Variants in NBAS observed in about 807,000 individuals in gnomAD.
The protein encoded by NBAS is NAG/BC035112 fusion.
Under a neutral mutation model 302.5 loss-of-function variants are expected in NBAS, and 219 were observed. The ratio of observed to expected loss-of-function variants is 0.72; its 90% CI spans 0.65 to 0.81. NBAS has a LOEUF of 0.81. NBAS is among the 30% of genes least tolerant of loss of function. The pLI is 0.00. For missense variants in NBAS, 2,932 were observed against 2,841.6 expected (o/e 1.03, Z -0.72); for synonymous variants, 1,118 against 1,021.6 (o/e 1.09, Z -1.80).
chr2:15,142,858 C>T, the NBAS span, among the ~76,000 whole-genome samples: 24 of 152,182 alleles, frequency 1.6e-4, no homozygotes, highest in African/African-American at 5.8e-4. Flanking sequence ...CAGATGAGGG[C>T]AAGGAAGATG....
At chr2:15,432,440 C>G (rs1677812011) in intron 21 of NBAS, among the ~76,000 whole-genome samples, 2 of 151,970 alleles carry the variant, frequency 1.3e-5, no homozygotes, top group African/African-American at 2.4e-5. Context: ...ATTTATCTGC[C>G]AGCAGGAAAG....
chr2:15,465,549 T>A (rs1196559210), intron 19 of NBAS, among the ~76,000 whole-genome samples: 1 of 152,248 alleles, frequency 6.6e-6, no homozygotes, highest in Admixed American at 6.5e-5. Context: ...TTATCTCATT[T>A]ATCACAGTAT....
At chr2:15,336,394 T>G (rs1472109727) in intron 35 of NBAS, among the ~76,000 whole-genome samples, 1 of 152,178 alleles carries the variant, frequency 6.6e-6, no homozygotes, top group Non-Finnish European at 1.5e-5. Flanking sequence ...GTGTAAGAAG[T>G]CTGCTTTTAC....
chr2:15,194,884 A>T (rs1665543803), intron 48 of NBAS, among the ~76,000 whole-genome samples: 1 of 152,212 alleles, frequency 6.6e-6, no homozygotes, highest in Non-Finnish European at 1.5e-5. Flanking sequence ...AAAAAGAAAT[A>T]ACAGAGACAT....
chr2:15,506,329 C>T lies in NBAS; in HGVS notation c.886-2116G>A, dbSNP rs144689291. ...GCATACCCAGAAAATTTAAACTCAG[C>T]ATGATCAACTCCAATATCCTAGGAA... is the stretch of plus-strand genomic sequence containing the variant. On this transcript the variant is annotated intron_variant, in intron 10 of 51. Transcript: ENST00000281513. 3.5e-3 allele frequency among the ~76,000 whole-genome samples: 528 copies of T among 152,170 alleles called. 2 individuals carry two copies. The highest frequency in any genetic ancestry group is 0.012 in the African/African-American group (498 of 41,534).
chr2:14,914,276 C>A, the NBAS span, among the ~76,000 whole-genome samples: 3 of 152,154 alleles, frequency 2.0e-5, no homozygotes, highest in Non-Finnish European at 4.4e-5. Flanking sequence ...CCACACCCAA[C>A]ACTAGACAGA....
chr2:15,200,462 CAAGA>C (rs1558431407), intron 48 of NBAS, among the ~76,000 whole-genome samples: 1 of 152,012 alleles, frequency 6.6e-6, no homozygotes, highest in Non-Finnish European at 1.5e-5. Flanking sequence ...GCCCAGTGAA[CAAGA>C]AAGTAACATA....
At chr2:15,443,474 A>G (rs1678550822) in intron 21 of NBAS, among the ~76,000 whole-genome samples, 1 of 152,024 alleles carries the variant, frequency 6.6e-6, no homozygotes, top group Admixed American at 6.5e-5. Flanking sequence ...AAAAACTCTC[A>G]ATAAATTAGG....
At chr2:15,317,791 C>T (rs986162685) in intron 38 of NBAS, among the ~76,000 whole-genome samples, 9 of 152,106 alleles carry the variant, frequency 5.9e-5, no homozygotes, top group African/African-American at 9.7e-5. Flanking sequence ...CTGAAAGTGA[C>T]GGGGAGAATG....
intron 25 of NBAS, 44 bp from the exon 26 acceptor site, chr2:15,402,345 T>G: frequency 6.3e-7 from 1 of 1,599,702 alleles, no homozygotes; most frequent in Non-Finnish European, 8.6e-7. Context: ...AACAGATTTA[T>G]AGTCAATTTT....
chr2:14,832,030 C>T, the NBAS span, among the ~76,000 whole-genome samples: 357 of 152,246 alleles, frequency 2.3e-3, 2 homozygotes, highest in African/African-American at 8.0e-3. Context: ...TGCTAGTGAT[C>T]GAGTAGTCTG....
At chr2:15,524,921 T>G (rs1391556627) in intron 9 of NBAS, among the ~76,000 whole-genome samples, 1 of 152,160 alleles carries the variant, frequency 6.6e-6, no homozygotes, top group Non-Finnish European at 1.5e-5. Context: ...TCTTGGACAC[T>G]CTTGCCTGTT....
the NBAS span, among the ~76,000 whole-genome samples, chr2:14,812,866 G>A: frequency 1.3e-5 from 2 of 152,170 alleles, no homozygotes; most frequent in African/African-American, 4.8e-5. Flanking sequence ...GGGGTCTGGT[G>A]GGAGGTGATT....
At chr2:15,220,034 A>G (rs1666868079) in intron 47 of NBAS, among the ~76,000 whole-genome samples, 1 of 130,246 alleles carries the variant, frequency 7.7e-6, no homozygotes, top group Non-Finnish European at 1.6e-5. Flanking sequence ...CGGGGGGCTG[A>G]TCCCCCCACC....
At chr2:15,328,552 A>C (rs1208676222) in intron 36 of NBAS, among the ~76,000 whole-genome samples, 1 of 152,184 alleles carries the variant, frequency 6.6e-6, no homozygotes, top group Non-Finnish European at 1.5e-5. Flanking sequence ...CCCACCCTGC[A>C]GTGCCTTTTT....
intron 2 of NBAS, among the ~76,000 whole-genome samples, chr2:15,557,229 A>T (rs750974392): frequency 6.1e-4 from 93 of 152,194 alleles, no homozygotes; most frequent in Admixed American, 5.2e-4. Flanking sequence ...TAAAACAGTA[A>T]TACCTAAAAT....
chr2:14,962,654 C>G, the NBAS span, among the ~76,000 whole-genome samples: 2 of 152,136 alleles, frequency 1.3e-5, no homozygotes, highest in African/African-American at 4.8e-5. Flanking sequence ...GTATAAAAGT[C>G]TCCCAGGACA....
intron 25 of NBAS, among the ~76,000 whole-genome samples, chr2:15,404,552 G>A (rs367605678): frequency 1.1e-3 from 156 of 146,714 alleles, no homozygotes; most frequent in African/African-American, 3.7e-3. Context: ...TCGCTGTGTC[G>A]CCCAGGCTCA....
At chr2:15,216,320 G>A (rs896828459) in intron 48 of NBAS, among the ~76,000 whole-genome samples, 2 of 152,150 alleles carry the variant, frequency 1.3e-5, no homozygotes, top group African/African-American at 4.8e-5. Flanking sequence ...AAGAGTGAGG[G>A]GGATATGAGA....
Sources: gnomAD v4.1 joint callset for allele counts (sites outside exome capture counted in the v4.1 genomes callset) on GRCh38, gnomAD v4.1.1 for gene constraint, MANE v1.5 for transcripts, NCBI Gene and HGNC (gene_info 2026-07-23, HGNC 2026-07-21) for gene names.